Variants in METTL9 observed in about 807,000 individuals in gnomAD.
METTL9 encodes the protein protein-L-histidine N-pros-methyltransferase.
A neutral mutation model predicts 36.0 loss-of-function variants in METTL9; 10 were observed. The observed-to-expected ratio is 0.28, with a 90% CI of 0.17 to 0.47. The LOEUF is 0.47. Ranked by LOEUF, METTL9 falls within the 20% of genes least tolerant of loss-of-function variation. The probability of loss-of-function intolerance (pLI) is 0.99; values close to 1 mark genes in which losing one functional copy is unlikely to be tolerated. For synonymous variants in METTL9, 175 were observed against 149.7 expected (o/e 1.17, Z -1.23); for missense variants, 246 against 383.5 (o/e 0.64, Z 3.00).
chr16:21,599,529 G>C (rs1055735558), upstream of METTL9: 1 of 1,265,062 alleles, frequency 7.9e-7, no homozygotes, highest in Non-Finnish European at 9.9e-7. The surrounding 1 kb of genome is among the most constrained non-coding windows in gnomAD (Gnocchi z 4.4). Context: ...GCGGCGTTCC[G>C]CGGCCGGAAG....
chr16:21,652,792 A>G (rs556842914), intron 4 of METTL9: 9 of 481,748 alleles, frequency 1.9e-5, no homozygotes, highest in African/African-American at 1.2e-4. Flanking sequence ...AGAAATGTGC[A>G]TATCTTTTTT....
chr16:21,600,836 A>G (rs1440539758), intron 1 of METTL9, among the ~76,000 whole-genome samples: 2 of 152,216 alleles, frequency 1.3e-5, no homozygotes, highest in Non-Finnish European at 2.9e-5. Context: ...CATAGCTAGC[A>G]TTTATAATAC....
At chr16:21,647,338 C>T in intron 4 of METTL9, 1 of 1,614,170 alleles carries the variant, frequency 6.2e-7, no homozygotes, top group Non-Finnish European at 8.5e-7. Context: ...GGTTCTCAGG[C>T]TGGTGAGCAC....
At chr16:21,654,534 G>A (rs1340404866) in intron 4 of METTL9, 49 of 152,338 alleles carry the variant, frequency 3.2e-4, no homozygotes, top group Admixed American at 3.2e-3. Context: ...TCATAGGTTT[G>A]GAAATGACTG....
intron 1 of METTL9, among the ~76,000 whole-genome samples, chr16:21,606,470 T>C (rs1965292357): frequency 6.6e-6 from 1 of 152,106 alleles, no homozygotes; most frequent in Non-Finnish European, 1.5e-5. Flanking sequence ...CTCTTTCCTC[T>C]GATGAGCCAC....
At chr16:21,618,211 ATCT>A (rs1965601036) in intron 3 of METTL9, 137 bp downstream of exon 3, 2 of 744,852 alleles carry the variant, frequency 2.7e-6, no homozygotes, top group Admixed American at 3.6e-5. Flanking sequence ...TAGAGAAATA[ATCT>A]TCTGGTAGCA....
At chr16:21,647,279 T>C in intron 4 of METTL9, 1 of 1,614,144 alleles carries the variant, frequency 6.2e-7, no homozygotes, top group Non-Finnish European at 8.5e-7. Context: ...TTTGAGGGCC[T>C]CCCTCACTGT....
chr16:21,645,498 G>C (rs1444291803), intron 4 of METTL9, among the ~76,000 whole-genome samples: 1 of 152,070 alleles, frequency 6.6e-6, no homozygotes. Flanking sequence ...CTTATCCTGT[G>C]AATGCAGTTT....
In METTL9 at chr16:21,616,612, T is replaced by C. The variant is rs570608399; in HGVS notation, c.357-1253T>C. ...TCTTTTTTCAAAGGCATCACTATGG[T>C]TTTGAGTGTTTTCTAGGACCTTTAG... On this transcript the variant is annotated intron_variant, in intron 2 of 4. Transcript: ENST00000358154. 2.0e-3 allele frequency among the ~76,000 whole-genome samples: 300 copies of C among 152,218 alleles called. 2 individuals carry two copies. The highest frequency in any genetic ancestry group is 5.2e-3 in the Admixed American group (79 of 15,292).
chr16:21,630,446 G>A (rs1463752887), intron 4 of METTL9, among the ~76,000 whole-genome samples: 1 of 152,234 alleles, frequency 6.6e-6, no homozygotes, highest in Non-Finnish European at 1.5e-5. Flanking sequence ...AGCCAGAGCC[G>A]ACGCCGTGGC....
intron 4 of METTL9, among the ~76,000 whole-genome samples, chr16:21,638,686 T>C (rs1966170133): frequency 6.6e-6 from 1 of 152,190 alleles, no homozygotes; most frequent in Non-Finnish European, 1.5e-5. Flanking sequence ...TAGAGACGAA[T>C]AGATCTGTTA....
intron 4 of METTL9, chr16:21,641,659 G>T: frequency 1.0e-6 from 1 of 992,440 alleles, no homozygotes. Context: ...AACTGCCAAG[G>T]AACATGCAAA....
chr16:21,647,268 C>T, intron 4 of METTL9: 2 of 1,614,164 alleles, frequency 1.2e-6, no homozygotes, highest in South Asian at 1.1e-5. Flanking sequence ...ACTTGGTTTT[C>T]TTTGAGGGCC....
intron 1 of METTL9, among the ~76,000 whole-genome samples, chr16:21,606,389 A>T (rs1188546269): frequency 1.3e-5 from 2 of 152,054 alleles, no homozygotes; most frequent in Non-Finnish European, 2.9e-5. Flanking sequence ...GTTTATTACA[A>T]AGGATACAAT....
intron 4 of METTL9, among the ~76,000 whole-genome samples, chr16:21,637,055 T>C (rs1966117279): frequency 6.6e-6 from 1 of 151,904 alleles, no homozygotes; most frequent in African/African-American, 2.4e-5. Flanking sequence ...ACCCAAAGAG[T>C]GAGCAGCAGC....
At chr16:21,634,716 T>C (rs1025832245) in intron 4 of METTL9, among the ~76,000 whole-genome samples, 1 of 152,170 alleles carries the variant, frequency 6.6e-6, no homozygotes, top group African/African-American at 2.4e-5. Flanking sequence ...GATTGGGTAA[T>C]AAACTTACCT....
At chr16:21,612,280 A>T (rs1001137438) in intron 1 of METTL9, 5 of 172,624 alleles carry the variant, frequency 2.9e-5, no homozygotes, top group Non-Finnish European at 6.1e-5. Flanking sequence ...AGAGGCCAGC[A>T]GAGCTTTCTA....
upstream of METTL9, among the ~76,000 whole-genome samples, chr16:21,599,152 C>T (rs1965021928): frequency 6.6e-6 from 1 of 152,122 alleles, no homozygotes; most frequent in Non-Finnish European, 1.5e-5. This position sits in a 1 kb window ranked among gnomAD's most constrained non-coding sequence, Gnocchi z 4.4. Flanking sequence ...GTTAACTGCA[C>T]GACCCTGTCA....
chr16:21,652,858 G>C (rs1966613677), intron 4 of METTL9: 1 of 396,538 alleles, frequency 2.5e-6, no homozygotes, highest in African/African-American at 2.1e-5. Flanking sequence ...GTGAGATTTT[G>C]ATTTACACCT....
Sources: allele counts gnomAD v4.1 joint callset (sites outside exome capture counted in the v4.1 genomes callset), GRCh38; gene constraint gnomAD v4.1.1; non-coding constraint Gnocchi (gnomAD v3.1); transcripts MANE v1.5; gene names NCBI Gene and HGNC (gene_info 2026-07-23, HGNC 2026-07-21).